Variants in TRHDE observed in about 807,000 individuals in gnomAD.
The protein encoded by TRHDE is thyrotropin-releasing hormone-degrading ectoenzyme.
A neutral mutation model predicts 125.7 loss-of-function variants in TRHDE; 72 were observed. That is an observed-to-expected ratio of 0.57 (90% CI 0.47 to 0.70). The LOEUF is 0.70. Among genes scored for constraint, TRHDE ranks in the 30% least tolerant of loss-of-function variants. The pLI is 0.00. For synonymous variants in TRHDE, 509 were observed against 509.1 expected, an observed-to-expected ratio of 1.00 and a Z score of 0.00; for missense variants, 1,110 against 1,327.1, an observed-to-expected ratio of 0.84 and a Z score of 2.54.
chr12:72,436,049 A>G (rs1326948613), intron 3 of TRHDE, among the ~76,000 whole-genome samples: 1 of 152,104 alleles, frequency 6.6e-6, no homozygotes, highest in East Asian at 1.9e-4. Flanking sequence ...TCTTAAATAC[A>G]GGGTCATGTA....
chr12:72,494,470 A>AT (rs1016066539), intron 5 of TRHDE, among the ~76,000 whole-genome samples: 9 of 151,818 alleles, frequency 5.9e-5, no homozygotes, highest in East Asian at 1.9e-4. Flanking sequence ...TTATTCTATG[A>AT]TTTTTTTGGT....
intron 2 of TRHDE, chr12:72,262,513 A>C (rs1878973347): frequency 6.6e-6 from 1 of 152,206 alleles, no homozygotes; most frequent in African/African-American, 2.4e-5. Context: ...GGAGTGGCAC[A>C]AAGAGCCATT....
chr12:72,610,337 C>T (rs956517610), intron 12 of TRHDE, among the ~76,000 whole-genome samples: 3 of 152,142 alleles, frequency 2.0e-5, no homozygotes, highest in Non-Finnish European at 4.4e-5. Flanking sequence ...ATTTCACTCA[C>T]TAGGTTTATA....
chr12:72,108,712 C>A (rs1357644567), intron 2 of TRHDE, among the ~76,000 whole-genome samples: 1 of 151,996 alleles, frequency 6.6e-6, no homozygotes, highest in Non-Finnish European at 1.5e-5. Flanking sequence ...TGGTAATTAG[C>A]ATTTTCGCCC....
At chr12:72,562,821 T>C (rs1870243721) in intron 8 of TRHDE, 32 bp from the exon 9 acceptor site, 1 of 1,404,814 alleles carries the variant, frequency 7.1e-7, no homozygotes, top group South Asian at 1.4e-5. Context: ...TTCATGTTTA[T>C]AAAACTAATT....
intron 2 of TRHDE, among the ~76,000 whole-genome samples, chr12:72,192,792 C>T (rs1451425487): frequency 6.6e-6 from 1 of 152,034 alleles, no homozygotes; most frequent in Non-Finnish European, 1.5e-5. Flanking sequence ...AGTAAGTGCT[C>T]AGATATTACC....
At chr12:72,578,984 GTT>G (rs3081947) in intron 12 of TRHDE, among the ~76,000 whole-genome samples, 15 of 135,922 alleles carry the variant, frequency 1.1e-4, no homozygotes, top group African/African-American at 2.2e-4. Context: ...ACTGTTTAGT[GTT>G]TTTTTTTTTT....
chr12:72,237,006 C>G (rs962352241), intron 2 of TRHDE, among the ~76,000 whole-genome samples: 2 of 152,048 alleles, frequency 1.3e-5, no homozygotes, highest in Admixed American at 6.6e-5. Context: ...TATTTTATGT[C>G]TCTCTCCTCT....
chr12:72,417,433 T>A (rs1042979553), intron 3 of TRHDE, among the ~76,000 whole-genome samples: 7 of 152,046 alleles, frequency 4.6e-5, no homozygotes, highest in African/African-American at 1.7e-4. Flanking sequence ...AAATGCCCTG[T>A]ACAGTCTGGG....
intron 3 of TRHDE, among the ~76,000 whole-genome samples, chr12:72,460,324 T>C (rs1876067522): frequency 6.6e-6 from 1 of 152,176 alleles, no homozygotes; most frequent in Non-Finnish European, 1.5e-5. Context: ...TGGGGCAGAA[T>C]TGAGTTCATG....
In TRHDE at chr12:72,665,191, G is replaced by T. The variant is rs1216884972; in HGVS notation, c.*1996G>T. The T allele has an allele frequency of 6.6e-6, 1 of 152,054 alleles. No homozygotes were observed. Among genetic ancestry groups the T allele is most frequent in the Non-Finnish European group, 1.5e-5 (1 of 67,936 alleles). The allele number at this position is 152,054 out of a possible 1,614,324, so 9.4% of individuals were successfully genotyped here. On this transcript the variant is annotated 3_prime_UTR_variant, in exon 19 of 19. Transcript: ENST00000261180. ...ATAGATAAGAAAAAAATTAGAGGTG[G>T]ATGTCTTGTTTTGTGTCATGAATTA...
chr12:72,405,832 G>A (rs1278483356), intron 3 of TRHDE, among the ~76,000 whole-genome samples: 1 of 152,186 alleles, frequency 6.6e-6, no homozygotes, highest in African/African-American at 2.4e-5. Flanking sequence ...AAAAGATTCT[G>A]AGGGTGTAAA....
intron 10 of TRHDE, 79 bp from the exon 11 acceptor site, chr12:72,575,176 T>C (rs1870932419): frequency 7.4e-7 from 1 of 1,351,030 alleles, no homozygotes; most frequent in Non-Finnish European, 1.0e-6. Flanking sequence ...GGTATTGTTA[T>C]ATCTGGCGTT....
intron 7 of TRHDE, among the ~76,000 whole-genome samples, chr12:72,553,453 AT>A (rs1869769610): frequency 6.6e-6 from 1 of 152,196 alleles, no homozygotes; most frequent in Admixed American, 6.5e-5. Flanking sequence ...ATTAATAATA[AT>A]AACAGTAAGA....
At chr12:72,270,811 T>C (rs1483427276), upstream of TRHDE, among the ~76,000 whole-genome samples, 1 of 152,226 alleles carries the variant, frequency 6.6e-6, no homozygotes, top group Non-Finnish European at 1.5e-5. Context: ...CACATACTTA[T>C]ACATACTCTG....
chr12:72,246,289 T>C (rs759472582), intron 2 of TRHDE, among the ~76,000 whole-genome samples: 1 of 152,086 alleles, frequency 6.6e-6, no homozygotes, highest in Non-Finnish European at 1.5e-5. Context: ...AGAGAGAGAC[T>C]GAATTCTTGT....
At chr12:72,155,050 T>C (rs938087525) in intron 2 of TRHDE, among the ~76,000 whole-genome samples, 8 of 152,220 alleles carry the variant, frequency 5.3e-5, no homozygotes, top group African/African-American at 1.9e-4. Context: ...GTAGATTTGG[T>C]CTTTTCACAT....
chr12:72,547,134 T>G (rs574755470), intron 7 of TRHDE, among the ~76,000 whole-genome samples: 30 of 148,620 alleles, frequency 2.0e-4, no homozygotes, highest in Non-Finnish European at 3.7e-4. Flanking sequence ...TAAATATTAT[T>G]TGCATTATTT....
intron 2 of TRHDE, among the ~76,000 whole-genome samples, chr12:72,296,639 T>A (rs1455192855): frequency 6.6e-6 from 1 of 152,048 alleles, no homozygotes; most frequent in African/African-American, 2.4e-5. Flanking sequence ...CTCTGCTGCA[T>A]GAGAGAAATG....
Sources: gnomAD v4.1 joint callset for allele counts (sites outside exome capture counted in the v4.1 genomes callset) on GRCh38, gnomAD v4.1.1 for gene constraint, MANE v1.5 for transcripts, NCBI Gene and HGNC (gene_info 2026-07-23, HGNC 2026-07-21) for gene names.